FGGY: variants seen among roughly 807,000 people sequenced by gnomAD.
The protein encoded by FGGY is FGGY carbohydrate kinase domain containing.
Under a neutral mutation model 71.3 loss-of-function variants are expected in FGGY, and 72 were observed. The ratio of observed to expected loss-of-function variants is 1.01; its 90% CI spans 0.84 to 1.23. The LOEUF is 1.23. Among genes scored for constraint, FGGY ranks in the 50% most tolerant of loss-of-function variants. The pLI is 0.00. For synonymous variants in FGGY, 251 were observed against 250.3 expected (o/e 1.00, Z -0.02); for missense variants, 668 against 682.3 (o/e 0.98, Z 0.23).
At chr1:59,412,216 C>T (rs1231748797) in intron 5 of FGGY, among the ~76,000 whole-genome samples, 1 of 152,098 alleles carries the variant, frequency 6.6e-6, no homozygotes, top group Non-Finnish European at 1.5e-5. Context: ...CATAGGGCAC[C>T]CCACGAGGTT....
chr1:59,449,582 C>T (rs2072178375), intron 5 of FGGY, among the ~76,000 whole-genome samples: 1 of 152,204 alleles, frequency 6.6e-6, no homozygotes, highest in African/African-American at 2.4e-5. Flanking sequence ...CACACCCAGC[C>T]TGCATGCCAT....
At chr1:59,582,619 TC>T (rs1195951054) in intron 8 of FGGY, among the ~76,000 whole-genome samples, 1 of 149,884 alleles carries the variant, frequency 6.7e-6, no homozygotes, top group Non-Finnish European at 1.5e-5. Flanking sequence ...GCATCTAATA[TC>T]CTCTCGCTGG....
At chr1:59,654,254 T>C (rs2097197625) in intron 11 of FGGY, among the ~76,000 whole-genome samples, 2 of 152,226 alleles carry the variant, frequency 1.3e-5, no homozygotes. Context: ...AGCGGGTGAT[T>C]ATCTCAGACT....
Position 59,705,394 on chromosome 1 carries a change from T to C in FGGY, c.1512+31261T>C, listed in dbSNP as rs145894013. Among the ~76,000 whole-genome samples, 171 of 152,322 alleles carry C rather than the reference T, an allele frequency of 1.1e-3. 1 individual carries two copies. The highest frequency in any genetic ancestry group is 3.9e-3 in the African/African-American group (163 of 41,564). ...TTATGTGCCCAAGAGTAAACTTTTA[T>C]GTGCCCAAGAGTTTTAGACTTTTAT... On this transcript the variant is annotated intron_variant, in intron 14 of 15. Coordinates refer to ENST00000303721, the MANE Select transcript of FGGY (RefSeq NM_018291.5).
At chr1:59,726,648 T>C (rs1348159046) in intron 14 of FGGY, among the ~76,000 whole-genome samples, 3 of 152,162 alleles carry the variant, frequency 2.0e-5, no homozygotes, top group African/African-American at 7.2e-5. Context: ...TGTGTAAATT[T>C]TGATAGTTTT....
At chr1:59,311,083 G>A (rs1367330860) in intron 1 of FGGY, among the ~76,000 whole-genome samples, 1 of 152,028 alleles carries the variant, frequency 6.6e-6, no homozygotes, top group Non-Finnish European at 1.5e-5. Context: ...CATGGAGAAG[G>A]CATTTCTAAT....
At chr1:59,409,598 T>TATATATATA (rs1553185795) in intron 5 of FGGY, among the ~76,000 whole-genome samples, 53 of 105,760 alleles carry the variant, frequency 5.0e-4, no homozygotes, top group African/African-American at 1.4e-3. Flanking sequence ...GAAGAGTTTT[T>TATATATATA]TATATATATA....
At chr1:59,581,855 C>T (rs1260664746) in intron 8 of FGGY, among the ~76,000 whole-genome samples, 1 of 149,902 alleles carries the variant, frequency 6.7e-6, no homozygotes, top group East Asian at 1.9e-4. Context: ...TGTCCTTTCT[C>T]CTTTATTAGA....
intron 8 of FGGY, among the ~76,000 whole-genome samples, chr1:59,565,064 G>A (rs1349525441): frequency 3.9e-5 from 6 of 152,168 alleles, no homozygotes. Flanking sequence ...GGGTGGGATG[G>A]GGGTGGTATA....
chr1:59,353,946 A>C (rs1211475029), intron 4 of FGGY, among the ~76,000 whole-genome samples: 2 of 152,250 alleles, frequency 1.3e-5, no homozygotes, highest in Non-Finnish European at 2.9e-5. Flanking sequence ...CAGTAAGAGC[A>C]GAACAAGAAA....
chr1:59,602,603 C>A (rs375714494), intron 8 of FGGY, among the ~76,000 whole-genome samples: 120 of 152,200 alleles, frequency 7.9e-4, no homozygotes, highest in African/African-American at 2.9e-3. Flanking sequence ...TTATATGGGG[C>A]CCCCTGAAAT....
intron 14 of FGGY, among the ~76,000 whole-genome samples, chr1:59,743,628 T>C (rs1397468504): frequency 6.6e-6 from 1 of 151,378 alleles, no homozygotes; most frequent in East Asian, 1.9e-4. Context: ...CAGCACATCA[T>C]GTGCCTATCT....
intron 1 of FGGY, among the ~76,000 whole-genome samples, chr1:59,302,451 C>G (rs2042900402): frequency 6.6e-6 from 1 of 152,140 alleles, no homozygotes; most frequent in East Asian, 1.9e-4. Context: ...AAATGTGGTA[C>G]ATATGCACCA....
At position 59,554,195 on chromosome 1, in the gene FGGY, G is replaced by GTC. The variant is rs1183897547; in HGVS notation, c.872_873dup (p.Ile292SerfsTer36). 6 of 1,613,454 alleles carry GTC rather than the reference G, an allele frequency of 3.7e-6. No homozygotes were observed. In the Admixed American group the frequency reaches 1.0e-4, roughly 27 times the overall value. The stretch of plus-strand genomic sequence containing the variant: ...GCAGCCAGTGACGTCACGGCTGGCT[G>GTC]TCATCTGTGGAACGTCTTCTTGTCA... On this transcript the variant is annotated frameshift_variant, in exon 8 of 16. Transcript: ENST00000303721. LOFTEE classifies it high-confidence loss of function.
rs528758367 is a variant in FGGY, at chr1:59,524,417, C to T, written c.799+11978C>T. ...CGAAACCCCACCTTCAAGCCAGGGA[C>T]AGTCCGAAGCCTGGTGGCTGGACTG... On this transcript the variant is annotated intron_variant, in intron 7 of 15. Coordinates refer to ENST00000303721, the MANE Select transcript of FGGY (RefSeq NM_018291.5). Among the ~76,000 whole-genome samples the T allele has an allele frequency of 9.2e-5, 14 of 152,334 alleles. No homozygotes were observed. In the East Asian group the frequency reaches 2.5e-3, roughly 27 times the overall value.
chr1:59,705,834 C>G (rs1475156275), intron 14 of FGGY, among the ~76,000 whole-genome samples: 4 of 152,154 alleles, frequency 2.6e-5, no homozygotes, highest in Non-Finnish European at 5.9e-5. Context: ...GGTTAAAGAC[C>G]TTTTTTCCCC....
At chr1:59,462,077 T>A (rs9661111) in intron 6 of FGGY, among the ~76,000 whole-genome samples, 5,971 of 151,896 alleles carry the variant, frequency 0.039, 377 homozygotes, top group African/African-American at 0.14. Flanking sequence ...ACATGCAGTG[T>A]TTGGTTTTTT....
At chr1:59,619,741 G>A (rs541978647) in intron 9 of FGGY, among the ~76,000 whole-genome samples, 3 of 152,126 alleles carry the variant, frequency 2.0e-5, no homozygotes, top group South Asian at 2.1e-4. Context: ...AATAATGAGC[G>A]GAGGAGTGAT....
At chr1:59,586,942 G>A (rs35411553) in intron 8 of FGGY, among the ~76,000 whole-genome samples, 13,353 of 152,248 alleles carry the variant, frequency 0.088, 866 homozygotes, top group South Asian at 0.3. Flanking sequence ...GACAGTGGGC[G>A]CAGGACAGTG....
Sources: allele counts gnomAD v4.1 joint callset (sites outside exome capture counted in the v4.1 genomes callset), GRCh38; gene constraint gnomAD v4.1.1; transcripts MANE v1.5; gene names NCBI Gene and HGNC (gene_info 2026-07-23, HGNC 2026-07-21).